The following PPA1 variants were observed in gnomAD, a reference collection of about 807,000 sequenced individuals.
PPA1 encodes inorganic pyrophosphatase 1.
A neutral mutation model predicts 41.8 loss-of-function variants in PPA1; 23 were observed. The observed-to-expected ratio is 0.55, with a 90% CI of 0.40 to 0.78. The LOEUF (loss-of-function observed/expected upper bound fraction) is 0.78, where lower values mean the gene tolerates loss of function less well. Among genes scored for constraint, PPA1 ranks in the 30% least tolerant of loss-of-function variants. PPA1 has a pLI of 0.00. For missense variants in PPA1, 320 were observed against 361.6 expected (o/e 0.89, Z 0.93); for synonymous variants, 101 against 116.8 (o/e 0.86, Z 0.87).
Position 70,209,598 on chromosome 10 carries a change from G to C in PPA1, c.599C>G (p.Pro200Arg), listed in dbSNP as rs1839991430. 6.2e-7 allele frequency: 1 copy of C among 1,606,362 alleles called. No homozygotes were observed. The highest frequency in any genetic ancestry group is 1.7e-4 in the Middle Eastern group (1 of 5,994). The change falls in exon 7 of 11, where the codon CCA becomes CGA. Residue 200 changes from proline (P) to arginine (R), a missense_variant. Coordinates refer to ENST00000373232, the MANE Select transcript of PPA1 (RefSeq NM_021129.4). The part of the protein sequence containing the change: ...FRRYKVPDGK[P>R]ENEFAFNAEF... ...TGCATTAAACGCAAACTCATTTTCT[G>C]GTTTTCCATCAGGAACCTTATACCT...
At chr10:70,222,006 G>A (rs577019015) in intron 2 of PPA1, among the ~76,000 whole-genome samples, 12 of 152,168 alleles carry the variant, frequency 7.9e-5, no homozygotes, top group Non-Finnish European at 1.2e-4. Flanking sequence ...ATTCTGCTGC[G>A]AACAAAAGCT....
At chr10:70,223,654 G>A (rs1840199450) in intron 2 of PPA1, among the ~76,000 whole-genome samples, 1 of 152,080 alleles carries the variant, frequency 6.6e-6, no homozygotes, top group South Asian at 2.1e-4. Flanking sequence ...GGATTTTTCA[G>A]GGCAACTGAT....
intron 8 of PPA1, among the ~76,000 whole-genome samples, chr10:70,206,775 C>T (rs769386185): frequency 8.0e-5 from 12 of 149,136 alleles, no homozygotes; most frequent in Non-Finnish European, 1.5e-4. Flanking sequence ...ATCTGGAAGG[C>T]GGAGATTTCA....
chr10:70,211,377 T>G (rs1375819493), intron 6 of PPA1, among the ~76,000 whole-genome samples: 1 of 152,154 alleles, frequency 6.6e-6, no homozygotes, highest in African/African-American at 2.4e-5. Context: ...ATCTCAAAGG[T>G]TAGGGGCTCA....
chr10:70,221,075 T>TTA (rs1840160268), intron 2 of PPA1, among the ~76,000 whole-genome samples: 1 of 15,170 alleles, frequency 6.6e-5, no homozygotes, highest in Admixed American at 1.6e-3. Flanking sequence ...TATATATATA[T>TTA]ATTTTTTTTT....
chr10:70,214,177 C>T (rs751671874), intron 5 of PPA1, among the ~76,000 whole-genome samples: 9 of 152,090 alleles, frequency 5.9e-5, no homozygotes, highest in East Asian at 1.9e-4. Flanking sequence ...GCAAGATTTG[C>T]CATGTTTTGA....
chr10:70,218,770 T>C lies in PPA1; in HGVS notation c.171A>G (p.Lys57=). Reference sequence around the variant, plus strand: ...ATGTAAGGTGAAATATTACCTCCATTTTTGCATTAGACCAGCGTGGTACTT... The same window carrying C: ...ATGTAAGGTGAAATATTACCTCCATCTTTGCATTAGACCAGCGTGGTACTT... The part of the protein sequence containing the change: ...VVEVPRWSNA[K]MEIATKDPLN... The change falls in exon 3 of 11, where the codon AAA becomes AAG. Residue 57 remains lysine (K), a synonymous_variant. Coordinates refer to ENST00000373232, the MANE Select transcript of PPA1 (RefSeq NM_021129.4). The C allele has an allele frequency of 6.2e-7, 1 of 1,608,994 alleles. No homozygotes were observed. The highest frequency in any genetic ancestry group is 1.1e-5 in the South Asian group (1 of 90,906).
Position 70,233,320 on chromosome 10 carries a change from C to G in PPA1, c.8G>C (p.Gly3Ala). Residue 3 changes from glycine to alanine, a missense_variant, in exon 1 of 11, where the codon GGC (glycine) becomes GCC (alanine). Gly to Ala is a moderately conservative substitution (Grantham distance 60). Transcript: ENST00000373232. ...CGCGGCGCGCTCCTCGGTGCTGAAG[C>G]CGCTCATAGTGCCGGAGTCCTGCCG... MS[G>A]FSTEERAAPF... 4 of 1,539,548 alleles carry G rather than the reference C, an allele frequency of 2.6e-6. No homozygotes were observed. Among genetic ancestry groups the G allele is most frequent in the Non-Finnish European group, 2.6e-6 (3 of 1,143,816 alleles).
Position 70,233,255 on chromosome 10 carries a change from G to C in PPA1, c.64+9C>G. On this transcript the variant is annotated intron_variant, in intron 1 of 10. Transcript: ENST00000373232. ...GGGCGCGGAGGGGCCACGGGCCGCA[G>C]ACACTCACTGAGGAAGACTCGGTAC... The C allele has an allele frequency of 6.5e-7, 1 of 1,537,274 alleles. No individual in the cohort carries two copies. Among genetic ancestry groups the C allele is most frequent in the Non-Finnish European group, 8.8e-7 (1 of 1,142,384 alleles).
chr10:70,211,444 A>G (rs181521101), intron 6 of PPA1, among the ~76,000 whole-genome samples: 4 of 152,226 alleles, frequency 2.6e-5, no homozygotes, highest in Non-Finnish European at 4.4e-5. Flanking sequence ...ATCAGCTATA[A>G]ATTAGGGGTT....
chr10:70,214,862 G>A (rs572670280), intron 4 of PPA1, among the ~76,000 whole-genome samples: 1 of 152,244 alleles, frequency 6.6e-6, no homozygotes, highest in East Asian at 1.9e-4. Context: ...TGAGACAATA[G>A]GGAAACACAA....
At chr10:70,213,701 G>T in intron 5 of PPA1, 112 bp from the exon 6 acceptor site, 2 of 1,301,892 alleles carry the variant, frequency 1.5e-6, no homozygotes, top group Non-Finnish European at 2.1e-6. Flanking sequence ...GAATTTACCT[G>T]AAGATTGTTC....
chr10:70,216,445 C>T (rs561732967), intron 4 of PPA1, among the ~76,000 whole-genome samples: 1 of 151,602 alleles, frequency 6.6e-6, no homozygotes, highest in South Asian at 2.1e-4. Context: ...CAAGACTGCG[C>T]CACCGCACTC....
Position 70,206,332 on chromosome 10 carries a change from T to C in PPA1, c.727A>G (p.Met243Val), listed in dbSNP as rs986739663. 6.2e-6 allele frequency: 10 copies of C among 1,609,696 alleles called. No homozygotes were observed. The highest frequency in any genetic ancestry group is 1.7e-5 in the Admixed American group (1 of 59,976). ...GGGCTCTCAGACAAAGTTGTATTCATGCTATTAAATAAAACAAAAGTAGTC... is the reference window on the plus strand; with the variant it reads ...GGGCTCTCAGACAAAGTTGTATTCACGCTATTAAATAAAACAAAAGTAGTC... Reference protein sequence around the residue: ...KKTNGKGISCMNTTLSESPFK... With the variant: ...KKTNGKGISCVNTTLSESPFK... Residue 243 changes from methionine (M) to valine (V), a missense_variant and splice_region_variant, in exon 9 of 11, where the codon ATG (methionine) becomes GTG (valine). Transcript: ENST00000373232.
chr10:70,208,794 CTTTT>C (rs141989298), intron 8 of PPA1, among the ~76,000 whole-genome samples: 15 of 126,628 alleles, frequency 1.2e-4, no homozygotes, highest in Non-Finnish European at 1.9e-4. Context: ...TTCTCGTACT[CTTTT>C]TTTTTTTTTT....
intron 2 of PPA1, among the ~76,000 whole-genome samples, chr10:70,221,078 T>TATATATATATATAA (rs1564584674): frequency 3.0e-4 from 3 of 9,966 alleles, no homozygotes; most frequent in Non-Finnish European, 4.5e-4. Context: ...ATATATATAT[T>TATATATATATATAA]TTTTTTTTTT....
In PPA1 at chr10:70,204,869, T is replaced by G; in HGVS notation, c.838+4A>C. 1.3e-6 allele frequency: 2 copies of G among 1,583,554 alleles called. No homozygotes were observed. The highest frequency in any genetic ancestry group is 8.6e-7 in the Non-Finnish European group (1 of 1,161,276). On this transcript the variant is annotated splice_donor_region_variant and intron_variant, in intron 10 of 10. Transcript: ENST00000373232. ...ATGAAATTTTACTGGAATAGAAATCTTACCGTCTGTTGGTACTGTGCAGGC... is the reference window on the plus strand; with the variant it reads ...ATGAAATTTTACTGGAATAGAAATCGTACCGTCTGTTGGTACTGTGCAGGC...
chr10:70,207,013 A>G (rs540757177), intron 8 of PPA1, among the ~76,000 whole-genome samples: 12 of 152,192 alleles, frequency 7.9e-5, no homozygotes, highest in African/African-American at 2.7e-4. Context: ...AAACAAAAAA[A>G]AACCCAGTTC....
intron 2 of PPA1, among the ~76,000 whole-genome samples, chr10:70,226,713 C>G (rs1840233915): frequency 6.6e-6 from 1 of 152,044 alleles, no homozygotes; most frequent in Non-Finnish European, 1.5e-5. Context: ...TTCCAGTTGT[C>G]AAACTTTTCT....
Sources: allele counts gnomAD v4.1 joint callset (sites outside exome capture counted in the v4.1 genomes callset), GRCh38; gene constraint gnomAD v4.1.1; transcripts MANE v1.5; gene names NCBI Gene and HGNC (gene_info 2026-07-23, HGNC 2026-07-21).